The following FAM200C variants were observed in gnomAD, a reference collection of about 807,000 sequenced individuals.
chr5:160,398,121 A>G, the FAM200C span, among the ~76,000 whole-genome samples: 1 of 152,164 alleles, frequency 6.6e-6, no homozygotes, highest in Non-Finnish European at 1.5e-5. Context: ...GCATGCCTGT[A>G]GTCCCATCTA....
the FAM200C span, among the ~76,000 whole-genome samples, chr5:160,398,400 AT>A: frequency 1.3e-5 from 2 of 151,928 alleles, no homozygotes; most frequent in Non-Finnish European, 2.9e-5. Context: ...AAATACAAAA[AT>A]TAGCTGTGCA....
chr5:160,396,891 T>A, the FAM200C span, among the ~76,000 whole-genome samples: 1 of 152,038 alleles, frequency 6.6e-6, no homozygotes, highest in Non-Finnish European at 1.5e-5. Context: ...ATACACAAAA[T>A]AAGCAGCATT....
the FAM200C span, chr5:160,394,284 C>T: frequency 6.2e-7 from 1 of 1,613,742 alleles, no homozygotes; most frequent in South Asian, 1.1e-5. Context: ...GATAACTTCT[C>T]TCTAGCTGAT....
At chr5:160,397,642 T>C in the FAM200C span, 1 of 152,194 alleles carries the variant, frequency 6.6e-6, no homozygotes, top group African/African-American at 2.4e-5. Flanking sequence ...GATGAACTAG[T>C]TGTAAAGTGT....
chr5:160,394,031 T>C, the FAM200C span: 1 of 1,612,190 alleles, frequency 6.2e-7, no homozygotes, highest in Non-Finnish European at 8.5e-7. Context: ...TAAATAACTA[T>C]CATCAACAAA....
chr5:160,398,783 A>T, the FAM200C span, among the ~76,000 whole-genome samples: 48 of 152,208 alleles, frequency 3.2e-4, no homozygotes, highest in African/African-American at 9.6e-4. Context: ...CACAATTTGC[A>T]CTTGCGCTTT....
At chr5:160,396,366 C>T in the FAM200C span, among the ~76,000 whole-genome samples, 1 of 152,106 alleles carries the variant, frequency 6.6e-6, no homozygotes, top group Admixed American at 6.5e-5. Flanking sequence ...TTAAGCCACC[C>T]CTGATGCAAA....
At chr5:160,394,600 T>C in the FAM200C span, 6 of 1,614,062 alleles carry the variant, frequency 3.7e-6, no homozygotes, top group African/African-American at 1.3e-5. Context: ...TGAAATTTAT[T>C]ACCCTCACCA....
chr5:160,398,581 T>C, the FAM200C span, among the ~76,000 whole-genome samples: 1 of 152,130 alleles, frequency 6.6e-6, no homozygotes, highest in Non-Finnish European at 1.5e-5. Context: ...CTGTTAAGAG[T>C]CCATTCCTAT....
the FAM200C span, chr5:160,394,641 G>A: frequency 6.2e-7 from 1 of 1,614,018 alleles, no homozygotes; most frequent in East Asian, 2.2e-5. Flanking sequence ...AGTTTTGTAG[G>A]CAATGTCTTT....
chr5:160,393,416 T>C, the FAM200C span: 2 of 309,554 alleles, frequency 6.5e-6, no homozygotes, highest in Admixed American at 4.9e-5. Flanking sequence ...ATTGCACCAT[T>C]TAGCTGGATA....
the FAM200C span, among the ~76,000 whole-genome samples, chr5:160,398,482 G>A: frequency 6.6e-6 from 1 of 152,220 alleles, no homozygotes; most frequent in Non-Finnish European, 1.5e-5. Flanking sequence ...GTTGCAGTGA[G>A]CCGAGATGAT....
At chr5:160,396,577 C>A in the FAM200C span, among the ~76,000 whole-genome samples, 2 of 151,562 alleles carry the variant, frequency 1.3e-5, no homozygotes, top group African/African-American at 4.9e-5. Flanking sequence ...ATGGTGAAAC[C>A]CCATCTCTAC....
chr5:160,395,008 A>C, the FAM200C span: 9 of 1,613,670 alleles, frequency 5.6e-6, no homozygotes, highest in Non-Finnish European at 7.6e-6. Context: ...TATCTTCTAG[A>C]ACTTGCTGTA....
chr5:160,397,729 A>G, the FAM200C span, among the ~76,000 whole-genome samples: 1 of 152,366 alleles, frequency 6.6e-6, no homozygotes, highest in East Asian at 1.9e-4. Context: ...CAATCAAAAA[A>G]GACAACCTGA....
chr5:160,393,662 A>G, the FAM200C span: 1 of 1,294,300 alleles, frequency 7.7e-7, no homozygotes, highest in Admixed American at 2.5e-5. Context: ...TTAATTTTAC[A>G]ATGATATTAA....
At chr5:160,396,698 GAAA>G in the FAM200C span, among the ~76,000 whole-genome samples, 1 of 48,366 alleles carries the variant, frequency 2.1e-5, no homozygotes, top group African/African-American at 7.0e-5. Flanking sequence ...AGTCTCTGTG[GAAA>G]AAAAAAAAAA....
the FAM200C span, among the ~76,000 whole-genome samples, chr5:160,398,417 A>C: frequency 3.3e-5 from 5 of 151,672 alleles, no homozygotes; most frequent in Non-Finnish European, 5.9e-5. Context: ...GTGCATGGTG[A>C]TCCCAGCTAC....
chr5:160,395,225 T>A, the FAM200C span: 1 of 1,613,944 alleles, frequency 6.2e-7, no homozygotes, highest in Non-Finnish European at 8.5e-7. Flanking sequence ...TAATAAAGTA[T>A]CCTCATGAGA....
Sources: allele counts gnomAD v4.1 joint callset (sites outside exome capture counted in the v4.1 genomes callset), GRCh38; gene constraint gnomAD v4.1.1; transcripts MANE v1.5.